ERBB4: variants seen among roughly 807,000 people sequenced by gnomAD.
ERBB4 encodes the protein erb-b2 receptor tyrosine kinase 4.
A neutral mutation model predicts 158.0 loss-of-function variants in ERBB4; 42 were observed. The observed-to-expected ratio is 0.27, with a 90% CI of 0.21 to 0.34. The LOEUF is 0.34. Among genes scored for constraint, ERBB4 ranks in the 10% least tolerant of loss-of-function variants. ERBB4 has a pLI of 1.00. For synonymous variants in ERBB4, 583 were observed against 558.7 expected (o/e 1.04, Z -0.61); for missense variants, 1,333 against 1,624.1 (o/e 0.82, Z 3.08).
chr2:212,402,069 C>G (rs2091223029), intron 1 of ERBB4, among the ~76,000 whole-genome samples: 1 of 152,060 alleles, frequency 6.6e-6, no homozygotes, highest in Non-Finnish European at 1.5e-5. Context: ...TACTAAAGTT[C>G]ACAGCAACTT....
rs533326742 is a variant in ERBB4, at chr2:211,647,966, T to A, written c.1946+9788A>T. 5.3e-5 allele frequency among the ~76,000 whole-genome samples: 8 copies of A among 151,878 alleles called. No individual in the cohort carries two copies. The East Asian group carries it at 1.5e-3, about 29-fold the overall frequency. On this transcript the variant is annotated intron_variant, in intron 16 of 27. Coordinates refer to ENST00000342788, the MANE Select transcript of ERBB4 (RefSeq NM_005235.3). ...ATACCTTTCTCTTCTGTTCTGCTCA[T>A]ACAAATTATGGAGTATTCTAAGGCT... is the stretch of plus-strand genomic sequence containing the variant.
chr2:211,826,555 G>A (rs750245534), intron 3 of ERBB4, among the ~76,000 whole-genome samples: 45 of 151,790 alleles, frequency 3.0e-4, no homozygotes, highest in South Asian at 2.1e-4. Flanking sequence ...TCACAAGGGA[G>A]TAGATCTCTG....
At chr2:211,877,446 T>G (rs550490501) in intron 3 of ERBB4, among the ~76,000 whole-genome samples, 1 of 152,340 alleles carries the variant, frequency 6.6e-6, no homozygotes, top group East Asian at 1.9e-4. Flanking sequence ...ATAAATTGAT[T>G]TACTTTATAT....
At chr2:211,921,058 C>A (rs1309439591) in intron 3 of ERBB4, among the ~76,000 whole-genome samples, 4 of 151,874 alleles carry the variant, frequency 2.6e-5, no homozygotes, top group Non-Finnish European at 5.9e-5. Flanking sequence ...CTGTATAACA[C>A]TGGATAAATA....
At chr2:212,190,952 T>C (rs1376359272) in intron 1 of ERBB4, among the ~76,000 whole-genome samples, 1 of 152,008 alleles carries the variant, frequency 6.6e-6, no homozygotes, top group African/African-American at 2.4e-5. Flanking sequence ...TCAATTAGAC[T>C]CAGTTGGCTA....
intron 19 of ERBB4, among the ~76,000 whole-genome samples, chr2:211,585,829 A>C (rs954036331): frequency 6.6e-6 from 1 of 152,120 alleles, no homozygotes; most frequent in Non-Finnish European, 1.5e-5. Flanking sequence ...TTATGGAAAA[A>C]TTACTCCAAA....
intron 19 of ERBB4, among the ~76,000 whole-genome samples, chr2:211,576,017 T>C (rs193133051): frequency 2.0e-5 from 3 of 152,332 alleles, no homozygotes; most frequent in African/African-American, 7.2e-5. Context: ...TATTTTAATA[T>C]TCTACATTGA....
chr2:211,502,874 G>A (rs987655779), intron 20 of ERBB4, among the ~76,000 whole-genome samples: 1 of 152,164 alleles, frequency 6.6e-6, no homozygotes, highest in Non-Finnish European at 1.5e-5. Flanking sequence ...GTGCAGCTGG[G>A]ATGCACCTCC....
At chr2:211,439,840 G>A (rs16825005) in intron 20 of ERBB4, among the ~76,000 whole-genome samples, 36,399 of 152,062 alleles carry the variant, frequency 0.24, 5,059 homozygotes, top group South Asian at 0.5. Context: ...TTTAGGCTAA[G>A]CCCCAGATGT....
chr2:211,617,213 T>C (rs1438087325), intron 19 of ERBB4, among the ~76,000 whole-genome samples: 1 of 152,126 alleles, frequency 6.6e-6, no homozygotes, highest in East Asian at 1.9e-4. Flanking sequence ...CAGAGATTAT[T>C]AGCATTCTCA....
intron 4 of ERBB4, chr2:211,779,315 C>T (rs1296879644): frequency 6.6e-6 from 1 of 152,198 alleles, no homozygotes. Context: ...TAATTCATCA[C>T]TAGATATTAC....
At chr2:212,480,228 A>G (rs1376461690) in intron 1 of ERBB4, among the ~76,000 whole-genome samples, 1 of 152,024 alleles carries the variant, frequency 6.6e-6, no homozygotes, top group Non-Finnish European at 1.5e-5. Flanking sequence ...TAAAACAAAG[A>G]CTCCTGTTAC....
At chr2:211,492,995 A>C (rs2065381734) in intron 20 of ERBB4, among the ~76,000 whole-genome samples, 2 of 152,122 alleles carry the variant, frequency 1.3e-5, no homozygotes, top group Non-Finnish European at 2.9e-5. Flanking sequence ...TTATAAATTA[A>C]CAATTGGCAC....
chr2:211,418,799 C>G (rs967788148), intron 25 of ERBB4, among the ~76,000 whole-genome samples: 52 of 152,156 alleles, frequency 3.4e-4, no homozygotes, highest in African/African-American at 1.2e-3. Context: ...CTCCTTTATA[C>G]ACCTTAACCG....
At chr2:211,797,712 A>G (rs979377411) in intron 3 of ERBB4, among the ~76,000 whole-genome samples, 1 of 152,006 alleles carries the variant, frequency 6.6e-6, no homozygotes. Flanking sequence ...AATAACACAT[A>G]AAGACAACAC....
At chr2:212,129,631 A>G (rs1302944844) in intron 1 of ERBB4, among the ~76,000 whole-genome samples, 1 of 151,946 alleles carries the variant, frequency 6.6e-6, no homozygotes, top group Non-Finnish European at 1.5e-5. Context: ...AATGGCCCTC[A>G]ACTAAAAAAA....
chr2:212,111,247 A>G (rs1337712300), intron 2 of ERBB4, among the ~76,000 whole-genome samples: 3 of 152,168 alleles, frequency 2.0e-5, no homozygotes, highest in Admixed American at 6.5e-5. Context: ...TTTCCTTATA[A>G]TGATTATTGA....
intron 1 of ERBB4, among the ~76,000 whole-genome samples, chr2:212,210,701 T>C (rs1371127876): frequency 6.6e-6 from 1 of 152,116 alleles, no homozygotes; most frequent in Non-Finnish European, 1.5e-5. Context: ...AGTCAGATAA[T>C]GGATATTTTG....
chr2:212,153,105 T>C (rs889710841), intron 1 of ERBB4, among the ~76,000 whole-genome samples: 2 of 152,218 alleles, frequency 1.3e-5, no homozygotes, highest in African/African-American at 2.4e-5. Context: ...GATTGTTTGT[T>C]ATGCAGCATT....
Sources: allele counts gnomAD v4.1 joint callset (sites outside exome capture counted in the v4.1 genomes callset), GRCh38; gene constraint gnomAD v4.1.1; transcripts MANE v1.5; gene names NCBI Gene and HGNC (gene_info 2026-07-23, HGNC 2026-07-21).